The following MYO1E variants were observed in gnomAD, a reference collection of about 807,000 sequenced individuals.
MYO1E encodes the protein unconventional myosin-Ie.
A neutral mutation model predicts 151.1 loss-of-function variants in MYO1E; 68 were observed. The ratio of observed to expected loss-of-function variants is 0.45; its 90% CI spans 0.37 to 0.55. MYO1E has a LOEUF of 0.55. MYO1E is among the 20% of genes least tolerant of loss of function. The pLI, the probability that MYO1E is intolerant of heterozygous loss-of-function variation, is 0.00. For synonymous variants in MYO1E, 601 were observed against 501.7 expected (o/e 1.20, Z -2.64); for missense variants, 1,363 against 1,389.3 (o/e 0.98, Z 0.30).
chr15:59,258,953 TG>T (rs2080209783), intron 3 of MYO1E, among the ~76,000 whole-genome samples: 1 of 151,396 alleles, frequency 6.6e-6, no homozygotes, highest in South Asian at 2.1e-4. Flanking sequence ...TCCCCTCTCT[TG>T]TTTTTTTTTG....
chr15:59,301,240 T>C (rs2080480916), intron 1 of MYO1E, among the ~76,000 whole-genome samples: 1 of 152,216 alleles, frequency 6.6e-6, no homozygotes, highest in Non-Finnish European at 1.5e-5. Flanking sequence ...CTAATTAATG[T>C]CTCCACTCTC....
intron 26 of MYO1E, among the ~76,000 whole-genome samples, chr15:59,153,179 T>C (rs187302400): frequency 2.0e-5 from 3 of 152,340 alleles, no homozygotes; most frequent in Admixed American, 1.3e-4. Context: ...AAATATCATA[T>C]AGAATGCTGG....
chr15:59,236,582 C>T lies in MYO1E; in HGVS notation c.420+3G>A, dbSNP rs188951245. The T allele has an allele frequency of 6.2e-5, 100 of 1,609,218 alleles. No individual in the cohort carries two copies. The highest frequency in any genetic ancestry group is 8.3e-5 in the Non-Finnish European group (97 of 1,175,654). On this transcript the variant is annotated splice_donor_region_variant and intron_variant, in intron 5 of 27. Transcript: ENST00000288235. ...GTATCATAATGGGCCACTGCCCACT[C>T]ACCTGGACTTTGGTCCCTCCTCCAG...
At chr15:59,183,348 G>GTTT (rs34330073) in intron 18 of MYO1E, among the ~76,000 whole-genome samples, 2 of 146,406 alleles carry the variant, frequency 1.4e-5, no homozygotes. Context: ...GTTTGATCAG[G>GTTT]TTTTTTTTTT....
chr15:59,166,223 C>G lies in MYO1E; in HGVS notation c.2481-2920G>C, dbSNP rs575178594. The stretch of plus-strand genomic sequence containing the variant: ...CTTCACCCAGGCCAGGGTCTCAGCT[C>G]ATTCTGCTCTCCTTAGCCCACGCTC... On this transcript the variant is annotated intron_variant, in intron 22 of 27. Transcript: ENST00000288235. 1.1e-3 allele frequency among the ~76,000 whole-genome samples: 161 copies of G among 152,348 alleles called. 3 individuals are homozygous for G. The highest frequency in any genetic ancestry group is 6.6e-3 in the Admixed American group (101 of 15,302).
At chr15:59,220,996 TAA>T (rs1566983313) in intron 9 of MYO1E, among the ~76,000 whole-genome samples, 1 of 142,196 alleles carries the variant, frequency 7.0e-6, no homozygotes, top group Admixed American at 7.1e-5. Context: ...ATTATATATA[TAA>T]TTATATATAT....
chr15:59,314,529 C>T (rs1236180966), intron 1 of MYO1E, among the ~76,000 whole-genome samples: 1 of 152,144 alleles, frequency 6.6e-6, no homozygotes, highest in African/African-American at 2.4e-5. Context: ...CTGACCCAAG[C>T]CAGACCAAGT....
At chr15:59,188,286 C>A in intron 17 of MYO1E, 70 bp from the exon 18 acceptor site, 4 of 1,186,980 alleles carry the variant, frequency 3.4e-6, no homozygotes, top group Middle Eastern at 3.8e-4. Context: ...TACCAGCCAA[C>A]CCCCAAGCCC....
intron 14 of MYO1E, among the ~76,000 whole-genome samples, chr15:59,206,313 G>A (rs752601995): frequency 1.7e-4 from 26 of 152,208 alleles, no homozygotes; most frequent in Non-Finnish European, 3.4e-4. Context: ...AAAATATGCA[G>A]TAGTATGCTG....
intron 1 of MYO1E, among the ~76,000 whole-genome samples, chr15:59,339,068 G>T (rs35759362): frequency 0.18 from 27,345 of 152,198 alleles, 3,250 homozygotes; most frequent in East Asian, 0.49. Context: ...GGATACAGAG[G>T]TTGCAGTGAG....
At chr15:59,153,369 C>G (rs2079492385) in intron 26 of MYO1E, among the ~76,000 whole-genome samples, 1 of 152,210 alleles carries the variant, frequency 6.6e-6, no homozygotes, top group Non-Finnish European at 1.5e-5. Flanking sequence ...AAGATAAGCC[C>G]TCTCTGGAGA....
intron 17 of MYO1E, among the ~76,000 whole-genome samples, chr15:59,194,512 G>C (rs1214001176): frequency 6.6e-6 from 1 of 152,174 alleles, no homozygotes; most frequent in African/African-American, 2.4e-5. Context: ...TTTAGTCCTT[G>C]TCTTCCTGTG....
intron 1 of MYO1E, among the ~76,000 whole-genome samples, chr15:59,322,182 A>G (rs537413829): frequency 4.0e-5 from 3 of 74,142 alleles, no homozygotes; most frequent in Non-Finnish European, 6.3e-5. Context: ...CTCAAAAATT[A>G]AAAAAAAAAA....
chr15:59,232,732 C>T (rs2080035855), intron 5 of MYO1E, among the ~76,000 whole-genome samples: 1 of 152,126 alleles, frequency 6.6e-6, no homozygotes, highest in South Asian at 2.1e-4. Context: ...CATAGGAAAA[C>T]AGGAAGAGAA....
intron 9 of MYO1E, among the ~76,000 whole-genome samples, chr15:59,219,937 C>G (rs1445192486): frequency 6.6e-6 from 1 of 152,162 alleles, no homozygotes; most frequent in Non-Finnish European, 1.5e-5. Context: ...GCGATGTGTG[C>G]ATTCATCTCA....
chr15:59,199,120 G>A (rs1475514228), intron 16 of MYO1E, among the ~76,000 whole-genome samples: 1 of 152,092 alleles, frequency 6.6e-6, no homozygotes, highest in Non-Finnish European at 1.5e-5. Context: ...TTTTGAGATG[G>A]AGTCTCGCTC....
chr15:59,210,617 A>G lies in MYO1E; in HGVS notation c.1276-17T>C. 1 of 1,524,280 alleles carries G rather than the reference A, an allele frequency of 6.6e-7. No individual in the cohort carries two copies. Among genetic ancestry groups the G allele is most frequent in the Non-Finnish European group, 9.1e-7 (1 of 1,098,214 alleles). 94.4% of individuals were successfully genotyped at this position (1,524,280 alleles called of 1,614,324 possible). Reference sequence around the variant, plus strand: ...ATATTCTTCCTGTAACACAGAGACAAGGAACTCACATTATTTCCCAGATAG... The same window carrying G: ...ATATTCTTCCTGTAACACAGAGACAGGGAACTCACATTATTTCCCAGATAG... On this transcript the variant is annotated splice_polypyrimidine_tract_variant and intron_variant, in intron 12 of 27. Transcript: ENST00000288235.
At chr15:59,171,328 TGC>T in intron 22 of MYO1E, 3 of 161,864 alleles carry the variant, frequency 1.9e-5, no homozygotes, top group Non-Finnish European at 4.1e-5. Flanking sequence ...GCCAAGGTGC[TGC>T]CGGGAGGAGC....
chr15:59,275,671 C>T (rs1272912096), intron 1 of MYO1E, among the ~76,000 whole-genome samples: 1 of 152,130 alleles, frequency 6.6e-6, no homozygotes, highest in Non-Finnish European at 1.5e-5. Context: ...GAGTAAAGAA[C>T]CTGGAGGTGG....
Sources: gnomAD v4.1 joint callset for allele counts (sites outside exome capture counted in the v4.1 genomes callset) on GRCh38, gnomAD v4.1.1 for gene constraint, MANE v1.5 for transcripts, NCBI Gene and HGNC (gene_info 2026-07-23, HGNC 2026-07-21) for gene names.